FIGN: variants seen among roughly 807,000 people sequenced by gnomAD.
The protein encoded by FIGN is fidgetin, microtubule severing factor, also known as fidgetin.
FIGN carries 11 observed loss-of-function variants against 51.3 expected under a neutral mutation model. That is an observed-to-expected ratio of 0.21 (90% confidence interval 0.13 to 0.35). FIGN has a LOEUF of 0.35. FIGN is among the 10% of genes least tolerant of loss of function. FIGN has a pLI of 1.00. For synonymous variants in FIGN, 407 were observed against 363.2 expected (o/e 1.12, Z -1.37); for missense variants, 857 against 943.6 (o/e 0.91, Z 1.20).
In FIGN at chr2:163,673,509, G is replaced by A. The variant is rs967761687; in HGVS notation, c.25+61394C>T. Among the ~76,000 whole-genome samples the A allele has an allele frequency of 1.3e-5, 2 of 151,976 alleles. 1 individual carries two copies. The highest frequency in any genetic ancestry group is 4.1e-4 in the South Asian group (2 of 4,826). ...AAGATTACTATGCATTTCCCAAGGA[G>A]AAGAGACATACAAAAATTACTCTGC... On this transcript the variant is annotated intron_variant, in intron 2 of 2. Transcript: ENST00000333129.
intron 2 of FIGN, among the ~76,000 whole-genome samples, chr2:163,660,837 A>G (rs377336098): frequency 0.079 from 2,535 of 32,288 alleles, 1,150 homozygotes; most frequent in Non-Finnish European, 0.14. Flanking sequence ...ATGTATACAT[A>G]TATACATATA....
At chr2:163,676,906 T>C (rs1234770218) in intron 2 of FIGN, among the ~76,000 whole-genome samples, 1 of 152,126 alleles carries the variant, frequency 6.6e-6, no homozygotes, top group Non-Finnish European at 1.5e-5. Flanking sequence ...TCAAAATATG[T>C]ATGCAAGGAA....
intron 2 of FIGN, among the ~76,000 whole-genome samples, chr2:163,714,820 G>A (rs1684643882): frequency 6.6e-6 from 1 of 152,202 alleles, no homozygotes; most frequent in African/African-American, 2.4e-5. Context: ...GTTAGCATGA[G>A]TTTCAACCTA....
intron 2 of FIGN, among the ~76,000 whole-genome samples, chr2:163,667,700 A>T (rs1683802819): frequency 6.6e-6 from 1 of 152,104 alleles, no homozygotes; most frequent in Non-Finnish European, 1.5e-5. Flanking sequence ...GCTTCATCCA[A>T]CTCTACATTC....
chr2:163,689,638 C>T (rs1370060321), intron 2 of FIGN, among the ~76,000 whole-genome samples: 1 of 152,042 alleles, frequency 6.6e-6, no homozygotes, highest in Non-Finnish European at 1.5e-5. Flanking sequence ...AGAGCCTTGA[C>T]CAATATTTAT....
chr2:163,643,600 A>G (rs1215259282), intron 2 of FIGN, among the ~76,000 whole-genome samples: 1 of 151,580 alleles, frequency 6.6e-6, no homozygotes, highest in Non-Finnish European at 1.5e-5. Flanking sequence ...GTAGTGAGCC[A>G]AGATCATGCC....
At chr2:163,710,938 C>G (rs1296649555) in intron 2 of FIGN, among the ~76,000 whole-genome samples, 1 of 152,140 alleles carries the variant, frequency 6.6e-6, no homozygotes, top group Non-Finnish European at 1.5e-5. Flanking sequence ...CTGCAAAGAA[C>G]CATTCATTTA....
chr2:163,646,343 C>A (rs756966616), intron 2 of FIGN, among the ~76,000 whole-genome samples: 1 of 152,012 alleles, frequency 6.6e-6, no homozygotes, highest in Non-Finnish European at 1.5e-5. Flanking sequence ...TGTCACTAAG[C>A]TCTAAAACAG....
chr2:163,694,042 C>A (rs544142897), intron 2 of FIGN, among the ~76,000 whole-genome samples: 1 of 152,310 alleles, frequency 6.6e-6, no homozygotes, highest in East Asian at 1.9e-4. Flanking sequence ...GAGCATCCAG[C>A]AGCTCTCTGC....
chr2:163,682,357 A>G (rs536048442), intron 2 of FIGN, among the ~76,000 whole-genome samples: 1 of 152,184 alleles, frequency 6.6e-6, no homozygotes, highest in South Asian at 2.1e-4. Flanking sequence ...GGAGCATAAA[A>G]TAACAGTCTA....
intron 2 of FIGN, among the ~76,000 whole-genome samples, chr2:163,700,148 C>T (rs1460339723): frequency 2.6e-5 from 4 of 152,130 alleles, no homozygotes; most frequent in Admixed American, 6.6e-5. Flanking sequence ...ACCAGTTATG[C>T]ACCTAGTAAA....
At chr2:163,713,599 C>G (rs1363654218) in intron 2 of FIGN, among the ~76,000 whole-genome samples, 1 of 152,086 alleles carries the variant, frequency 6.6e-6, no homozygotes, top group Non-Finnish European at 1.5e-5. Flanking sequence ...AACTTTGATT[C>G]TAGTTTAAAT....
intron 2 of FIGN, among the ~76,000 whole-genome samples, chr2:163,705,831 T>C (rs1684491271): frequency 1.3e-5 from 2 of 152,220 alleles, no homozygotes; most frequent in South Asian, 2.1e-4. Context: ...TGGTTTAATA[T>C]AAAAACCAGT....
intron 2 of FIGN, among the ~76,000 whole-genome samples, chr2:163,727,383 T>TAA (rs34099693): frequency 6.8e-6 from 1 of 147,794 alleles, no homozygotes; most frequent in Non-Finnish European, 1.5e-5. Flanking sequence ...ATGGCTTAGT[T>TAA]AAAAAAAAAA....
intron 2 of FIGN, among the ~76,000 whole-genome samples, chr2:163,731,916 T>G (rs1684936582): frequency 6.6e-6 from 1 of 152,106 alleles, no homozygotes; most frequent in South Asian, 2.1e-4. Context: ...GTATTACACT[T>G]CTCAAAACTC....
At chr2:163,643,220 A>G (rs1683330410) in intron 2 of FIGN, among the ~76,000 whole-genome samples, 1 of 152,226 alleles carries the variant, frequency 6.6e-6, no homozygotes, top group Non-Finnish European at 1.5e-5. Flanking sequence ...GTCTAGAAAT[A>G]AATGCATGTT....
chr2:163,618,667 C>T (rs972929460), intron 2 of FIGN, among the ~76,000 whole-genome samples: 3 of 152,076 alleles, frequency 2.0e-5, no homozygotes, highest in Non-Finnish European at 2.9e-5. Flanking sequence ...TCTTACAACA[C>T]TTCATTCGTG....
intron 2 of FIGN, among the ~76,000 whole-genome samples, chr2:163,689,844 T>C (rs922479563): frequency 6.6e-6 from 1 of 152,062 alleles, no homozygotes. Flanking sequence ...CAAACCCACA[T>C]AATAGCTACA....
intron 2 of FIGN, among the ~76,000 whole-genome samples, chr2:163,721,997 G>A (rs371047013): frequency 6.6e-6 from 1 of 152,074 alleles, no homozygotes; most frequent in East Asian, 1.9e-4. Flanking sequence ...AATTGAATTT[G>A]CCTTAGAAAT....
Sources: gnomAD v4.1 joint callset for allele counts (sites outside exome capture counted in the v4.1 genomes callset) on GRCh38, gnomAD v4.1.1 for gene constraint, MANE v1.5 for transcripts, NCBI Gene and HGNC (gene_info 2026-07-23, HGNC 2026-07-21) for gene names.